The following ZMIZ1 variants were observed in gnomAD, a reference collection of about 807,000 sequenced individuals.
The protein encoded by ZMIZ1 is zinc finger MIZ domain-containing protein 1.
A neutral mutation model predicts 113.9 loss-of-function variants in ZMIZ1; 17 were observed. The observed-to-expected ratio is 0.15, with a 90% confidence interval of 0.10 to 0.22. The LOEUF (loss-of-function observed/expected upper bound fraction) is 0.22. Ranked by LOEUF, ZMIZ1 falls within the 10% of genes least tolerant of loss-of-function variation. The probability of loss-of-function intolerance (pLI) is 1.00; values close to 1 mark genes in which losing one functional copy is unlikely to be tolerated. For synonymous variants in ZMIZ1, 607 were observed against 603.1 expected (o/e 1.01, Z -0.09); for missense variants, 1,059 against 1,477.8 (o/e 0.72, Z 4.65).
intron 7 of ZMIZ1, among the ~76,000 whole-genome samples, chr10:79,270,828 C>G (rs1167214827): frequency 6.6e-6 from 1 of 152,116 alleles, no homozygotes; most frequent in South Asian, 2.1e-4. Context: ...GAGGCTGGGT[C>G]TGGGTCTTGG....
intron 1 of ZMIZ1, among the ~76,000 whole-genome samples, chr10:79,076,644 G>A (rs146128691): frequency 6.6e-6 from 1 of 152,294 alleles, no homozygotes; most frequent in Non-Finnish European, 1.5e-5. Context: ...CACCAGCCTG[G>A]TCAAAGTAGT....
intron 7 of ZMIZ1, among the ~76,000 whole-genome samples, chr10:79,245,145 T>C (rs556353249): frequency 6.6e-6 from 1 of 152,306 alleles, no homozygotes; most frequent in South Asian, 2.1e-4. Context: ...GCACAGAGTT[T>C]ACACCTCGCT....
intron 1 of ZMIZ1, among the ~76,000 whole-genome samples, chr10:79,095,723 C>T (rs955366709): frequency 7.2e-5 from 11 of 152,220 alleles, no homozygotes; most frequent in Non-Finnish European, 1.5e-4. Context: ...CCCCGCACCC[C>T]GTGTGGCTCC....
At chr10:79,201,534 G>A (rs1276373183) in intron 4 of ZMIZ1, 50 bp from the exon 5 acceptor site, 3 of 1,414,030 alleles carry the variant, frequency 2.1e-6, no homozygotes, top group Admixed American at 3.5e-5. Context: ...GCTGCTCAAG[G>A]TTGGCAGGCC....
chr10:79,164,934 C>T (rs150210665), intron 4 of ZMIZ1, among the ~76,000 whole-genome samples: 34 of 152,256 alleles, frequency 2.2e-4, no homozygotes, highest in Admixed American at 1.0e-3. Flanking sequence ...GAGGACTGGA[C>T]GAGGATACAG....
At chr10:79,260,008 G>A (rs999692507) in intron 7 of ZMIZ1, among the ~76,000 whole-genome samples, 11 of 152,210 alleles carry the variant, frequency 7.2e-5, no homozygotes, top group Non-Finnish European at 1.0e-4. Context: ...TAAGGGTCAC[G>A]TTTCCGGTCT....
chr10:79,090,951 C>T (rs1842968088), intron 1 of ZMIZ1, among the ~76,000 whole-genome samples: 1 of 152,222 alleles, frequency 6.6e-6, no homozygotes, highest in African/African-American at 2.4e-5. Flanking sequence ...CAGGGCTGTC[C>T]TCTGCCCGTC....
At position 79,313,893 on chromosome 10, in the gene ZMIZ1, A is replaced by G; in HGVS notation, c.*1144A>G. ...GAAAGGCCGGGGAGGTGCAGAAACCAGAGCCCAGGGCAATGGTGTCTGTCC... is the reference window on the plus strand; with the variant it reads ...GAAAGGCCGGGGAGGTGCAGAAACCGGAGCCCAGGGCAATGGTGTCTGTCC... On this transcript the variant is annotated 3_prime_UTR_variant, in exon 25 of 25. Coordinates refer to ENST00000334512, the MANE Select transcript of ZMIZ1 (RefSeq NM_020338.4). The G allele has an allele frequency of 8.0e-6, 3 of 376,274 alleles. No homozygotes were observed. The highest frequency in any genetic ancestry group is 5.9e-5 in the South Asian group (3 of 51,190). The allele number at this position is 376,274 out of a possible 1,614,324, so 23.3% of individuals were successfully genotyped here.
rs186287819 is a variant in ZMIZ1, at chr10:79,195,925, C to T, written c.-49-5659C>T. On this transcript the variant is annotated intron_variant, in intron 4 of 24. Coordinates refer to ENST00000334512, the MANE Select transcript of ZMIZ1 (RefSeq NM_020338.4). ...CTTTTAAGGATGAAGAAAATTAGCA[C>T]TGCATAGGGCCTGGCCTGGTGCCTG... Among the ~76,000 whole-genome samples the T allele has an allele frequency of 2.4e-4, 36 of 152,348 alleles. No homozygotes were observed. The East Asian group carries it at 6.9e-3, about 29-fold the overall frequency.
chr10:79,212,119 G>C (rs927384291), intron 6 of ZMIZ1, among the ~76,000 whole-genome samples: 1 of 152,060 alleles, frequency 6.6e-6, no homozygotes, highest in Non-Finnish European at 1.5e-5. Context: ...TTCACCACGT[G>C]ACCTTAAGCA....
intron 2 of ZMIZ1, among the ~76,000 whole-genome samples, chr10:79,131,773 T>C (rs1219619577): frequency 6.6e-6 from 1 of 152,144 alleles, no homozygotes; most frequent in East Asian, 1.9e-4. Flanking sequence ...AGGGCTGGAA[T>C]GTCATCGCAA....
In ZMIZ1 at chr10:79,314,456, C is replaced by T. The variant is rs913188243; in HGVS notation, c.*1707C>T. Reference sequence around the variant, plus strand: ...CGGCACAAGGTTTTCTGTAGGAAAGCTGCCATTGCCCCGGCCCCTTTTCTT... The same window carrying T: ...CGGCACAAGGTTTTCTGTAGGAAAGTTGCCATTGCCCCGGCCCCTTTTCTT... On this transcript the variant is annotated 3_prime_UTR_variant, in exon 25 of 25. Transcript: ENST00000334512. The T allele has an allele frequency of 1.7e-5, 6 of 346,232 alleles. No homozygotes were observed. The highest frequency in any genetic ancestry group is 1.1e-4 in the African/African-American group (5 of 46,608). The allele number at this position is 346,232 out of a possible 1,614,324, so 21.4% of individuals were successfully genotyped here. A position where few individuals can be genotyped will look rare whatever the true frequency, so the allele number is the denominator to read the frequency against.
chr10:79,094,379 G>A (rs977852886), intron 1 of ZMIZ1, among the ~76,000 whole-genome samples: 6 of 152,204 alleles, frequency 3.9e-5, no homozygotes, highest in African/African-American at 1.4e-4. Context: ...GGAAACTGGG[G>A]TCATTGCATA....
intron 4 of ZMIZ1, among the ~76,000 whole-genome samples, chr10:79,200,940 C>T (rs1186933125): frequency 6.6e-6 from 1 of 152,160 alleles, no homozygotes; most frequent in Non-Finnish European, 1.5e-5. Flanking sequence ...CACACGTGGG[C>T]CAAGCCCTGA....
In ZMIZ1 at chr10:79,315,845, G is replaced by GAAACA. The variant is rs1007458227; in HGVS notation, c.*3110_*3114dup. ...GGAATGTGTATTGTTTTTATTTTGC[G>GAAACA]AAACAAAACAAAACAAAAAAAAAAG... is the stretch of plus-strand genomic sequence containing the variant. On this transcript the variant is annotated 3_prime_UTR_variant, in exon 25 of 25. Coordinates refer to ENST00000334512, the MANE Select transcript of ZMIZ1 (RefSeq NM_020338.4). 2.0e-5 allele frequency: 3 copies of GAAACA among 151,228 alleles called. No homozygotes were observed. The highest frequency in any genetic ancestry group is 1.9e-4 in the East Asian group (1 of 5,304). The allele number at this position is 151,228 out of a possible 1,614,324, so 9.4% of individuals were successfully genotyped here. A position where few individuals can be genotyped will look rare whatever the true frequency, so the allele number is the denominator to read the frequency against.
At chr10:79,259,737 TC>T (rs1367921027) in intron 7 of ZMIZ1, among the ~76,000 whole-genome samples, 3 of 151,468 alleles carry the variant, frequency 2.0e-5, no homozygotes, top group Non-Finnish European at 4.4e-5. Flanking sequence ...TGCCTCAGCC[TC>T]CCCAGTAGCT....
rs1844145034 is a variant in ZMIZ1, at chr10:79,118,301, T to C, written c.-336-614T>C. Among the ~76,000 whole-genome samples, 1 of 152,160 alleles carries C rather than the reference T, an allele frequency of 6.6e-6. No homozygotes were observed. On this transcript the variant is annotated intron_variant, in intron 1 of 24. Transcript: ENST00000334512. The surrounding 1 kb of genome is among the most constrained non-coding windows in gnomAD (Gnocchi z 4.1). ...TTCACTGCACACTTTCACGGCACCA[T>C]TCATCCATCAAGGAATCTCTGTGGT...
intron 5 of ZMIZ1, among the ~76,000 whole-genome samples, chr10:79,202,011 C>T (rs1347853679): frequency 2.0e-5 from 3 of 149,508 alleles, no homozygotes; most frequent in African/African-American, 5.0e-5. Flanking sequence ...CCCACCACCT[C>T]CCTCCCTAGA....
chr10:79,138,624 A>G (rs541776887), intron 2 of ZMIZ1, among the ~76,000 whole-genome samples: 1 of 152,290 alleles, frequency 6.6e-6, no homozygotes, highest in South Asian at 2.1e-4. Context: ...GCCTGATACA[A>G]TGACCAGTTC....
Sources: allele counts gnomAD v4.1 joint callset (sites outside exome capture counted in the v4.1 genomes callset), GRCh38; gene constraint gnomAD v4.1.1; non-coding constraint Gnocchi (gnomAD v3.1); transcripts MANE v1.5; gene names NCBI Gene and HGNC (gene_info 2026-07-23, HGNC 2026-07-21).